Variants in DCC observed in about 807,000 individuals in gnomAD.
DCC encodes netrin receptor DCC.
Under a neutral mutation model 172.5 loss-of-function variants are expected in DCC, and 58 were observed. The observed-to-expected ratio is 0.34, with a 90% CI of 0.27 to 0.42. The LOEUF (loss-of-function observed/expected upper bound fraction) is 0.42, where lower values mean the gene tolerates loss of function less well. DCC is among the 10% of genes least tolerant of loss of function. The probability of loss-of-function intolerance (pLI) is 1.00; values close to 1 mark genes in which losing one functional copy is unlikely to be tolerated. For synonymous variants in DCC, 709 were observed against 644.5 expected, an observed-to-expected ratio of 1.10 and a Z score of -1.52; for missense variants, 1,740 against 1,791.0, an observed-to-expected ratio of 0.97 and a Z score of 0.51.
At chr18:53,489,708 C>T (rs2045939896) in intron 26 of DCC, among the ~76,000 whole-genome samples, 1 of 152,176 alleles carries the variant, frequency 6.6e-6, no homozygotes, top group East Asian at 1.9e-4. Context: ...TCTGAAGGCA[C>T]AAATAAAGCT....
intron 27 of DCC, 68 bp downstream of exon 27, chr18:53,499,578 G>A (rs2046071156): frequency 3.0e-6 from 4 of 1,332,706 alleles, no homozygotes; most frequent in African/African-American, 2.9e-5. Context: ...AGTGCATGAG[G>A]GTGCTTGAGA....
At chr18:52,659,944 T>C (rs1461604476) in intron 1 of DCC, among the ~76,000 whole-genome samples, 1 of 152,160 alleles carries the variant, frequency 6.6e-6, no homozygotes, top group Non-Finnish European at 1.5e-5. Flanking sequence ...TCTTATTGAT[T>C]AGACCACTGA....
intron 2 of DCC, among the ~76,000 whole-genome samples, chr18:52,856,397 G>A (rs909322892): frequency 3.3e-5 from 5 of 151,346 alleles, no homozygotes; most frequent in East Asian, 2.0e-4. Flanking sequence ...AGGCCGAGGC[G>A]GGCGTTTCAC....
chr18:52,531,221 A>T (rs561058023), intron 1 of DCC, among the ~76,000 whole-genome samples: 11 of 152,180 alleles, frequency 7.2e-5, no homozygotes, highest in African/African-American at 1.2e-4. Context: ...GTGTATTATC[A>T]GTTCCTTCAA....
At position 53,249,689 on chromosome 18, in the gene DCC, A is replaced by T. The variant is rs890290122; in HGVS notation, c.1911+34092A>T. ...AATAGGAGGCGTAACAGTAGAAAGA[A>T]ATGTGTTCCCTAAGAACCACATTTT... is the stretch of plus-strand genomic sequence containing the variant. On this transcript the variant is annotated intron_variant, in intron 12 of 28. Coordinates refer to ENST00000442544, the MANE Select transcript of DCC (RefSeq NM_005215.4). 6.6e-5 allele frequency among the ~76,000 whole-genome samples: 10 copies of T among 152,088 alleles called. No homozygotes were observed. The South Asian group carries it at 8.3e-4, about 13-fold the overall frequency.
intron 5 of DCC, among the ~76,000 whole-genome samples, chr18:53,021,117 C>G (rs1265737764): frequency 1.3e-5 from 2 of 152,008 alleles, no homozygotes; most frequent in African/African-American, 4.8e-5. Context: ...GGAAAGGGCA[C>G]TTGCTGAGAC....
intron 2 of DCC, among the ~76,000 whole-genome samples, chr18:52,763,893 A>T (rs1317325964): frequency 6.6e-6 from 1 of 152,192 alleles, no homozygotes; most frequent in Non-Finnish European, 1.5e-5. Context: ...CTTACAGATC[A>T]GTTTCATGGT....
At chr18:53,350,923 A>G (rs559191055) in intron 15 of DCC, among the ~76,000 whole-genome samples, 4 of 152,084 alleles carry the variant, frequency 2.6e-5, no homozygotes, top group African/African-American at 7.2e-5. Context: ...TTCATTCAAC[A>G]TGAGTACTAC....
At chr18:52,909,084 CATGAATGA>C (rs369407649) in intron 3 of DCC, among the ~76,000 whole-genome samples, 3 of 151,918 alleles carry the variant, frequency 2.0e-5, no homozygotes, top group African/African-American at 2.4e-5. Flanking sequence ...TGAGTGAGTG[CATGAATGA>C]ATGAATGAAT....
intron 1 of DCC, among the ~76,000 whole-genome samples, chr18:52,503,251 C>T (rs913052706): frequency 2.0e-5 from 3 of 152,134 alleles, no homozygotes; most frequent in African/African-American, 7.2e-5. Context: ...CACTGTTAAA[C>T]TAGGACACTC....
At chr18:53,208,352 C>A (rs994046661) in intron 11 of DCC, among the ~76,000 whole-genome samples, 1 of 151,664 alleles carries the variant, frequency 6.6e-6, no homozygotes, top group African/African-American at 2.4e-5. Flanking sequence ...AATAGGTAAT[C>A]CTCAAAATGT....
intron 7 of DCC, among the ~76,000 whole-genome samples, chr18:53,083,290 A>G (rs887350989): frequency 7.2e-5 from 11 of 152,126 alleles, no homozygotes; most frequent in Non-Finnish European, 1.6e-4. Context: ...AATGTGAGGT[A>G]TCCAGGTATC....
chr18:52,875,640 A>G (rs1037021727), intron 2 of DCC, among the ~76,000 whole-genome samples: 1 of 152,230 alleles, frequency 6.6e-6, no homozygotes, highest in Non-Finnish European at 1.5e-5. Context: ...ATTTGCAATT[A>G]GTAGTAAAGA....
intron 9 of DCC, among the ~76,000 whole-genome samples, chr18:53,204,274 T>G (rs183600812): frequency 1.2e-4 from 19 of 152,132 alleles, no homozygotes; most frequent in African/African-American, 4.6e-4. Context: ...GGGTGTGGTG[T>G]CTCACACCTG....
At chr18:52,753,452 A>C (rs1299522731) in intron 2 of DCC, among the ~76,000 whole-genome samples, 1 of 152,202 alleles carries the variant, frequency 6.6e-6, no homozygotes, top group Non-Finnish European at 1.5e-5. Context: ...TTAACAGAAA[A>C]ATATTAGAAA....
At position 52,742,475 on chromosome 18, in the gene DCC, T is replaced by G. The variant is rs1013018697; in HGVS notation, c.92-9579T>G. Among the ~76,000 whole-genome samples the G allele has an allele frequency of 2.0e-5, 3 of 152,234 alleles. No homozygotes were observed. The East Asian group carries it at 5.8e-4, about 29-fold the overall frequency. ...TATTATTGGATTCTTCAAGGCTGTT[T>G]GTTCCCAGCCTTGAATAATGCCTGA... On this transcript the variant is annotated intron_variant, in intron 1 of 28. Coordinates refer to ENST00000442544, the MANE Select transcript of DCC (RefSeq NM_005215.4).
chr18:52,493,741 G>T (rs894306590), intron 1 of DCC, among the ~76,000 whole-genome samples: 2 of 151,958 alleles, frequency 1.3e-5, no homozygotes, highest in Non-Finnish European at 2.9e-5. Context: ...ATACCTTAGA[G>T]ATATTAACAT....
intron 2 of DCC, among the ~76,000 whole-genome samples, chr18:52,822,636 A>C (rs2038427117): frequency 6.6e-6 from 1 of 152,250 alleles, no homozygotes; most frequent in Non-Finnish European, 1.5e-5. Flanking sequence ...CACATTCAGC[A>C]TACTTGGGAT....
At chr18:53,433,650 C>G (rs141630915) in intron 21 of DCC, among the ~76,000 whole-genome samples, 3 of 129,960 alleles carry the variant, frequency 2.3e-5, no homozygotes, top group Non-Finnish European at 5.5e-5. Context: ...ATTGAAACCC[C>G]AAATGCATCA....
Sources: gnomAD v4.1 joint callset for allele counts (sites outside exome capture counted in the v4.1 genomes callset) on GRCh38, gnomAD v4.1.1 for gene constraint, MANE v1.5 for transcripts, NCBI Gene and HGNC (gene_info 2026-07-23, HGNC 2026-07-21) for gene names.